Variants in CSMD3 observed in about 807,000 individuals in gnomAD.
CSMD3 encodes CUB and Sushi multiple domains 3, also known as CUB and sushi domain-containing protein 3.
In CSMD3, 177 loss-of-function variants were observed where a neutral mutation model predicts 435.2. The observed-to-expected ratio is 0.41, with a 90% CI of 0.36 to 0.46. The LOEUF (loss-of-function observed/expected upper bound fraction) is 0.46. Ranked by LOEUF, CSMD3 falls within the 20% of genes least tolerant of loss-of-function variation. The pLI, the probability that CSMD3 is intolerant of heterozygous loss-of-function variation, is 0.34. For missense variants in CSMD3, 4,265 were observed against 4,504.6 expected (o/e 0.95, Z 1.52); for synonymous variants, 1,656 against 1,520.5 (o/e 1.09, Z -2.07).
intron 4 of CSMD3, among the ~76,000 whole-genome samples, chr8:113,125,891 A>G (rs1220871797): frequency 2.0e-5 from 3 of 151,972 alleles, no homozygotes; most frequent in African/African-American, 7.2e-5. Context: ...CTAAAGTTAG[A>G]AATGGGAGTG....
At chr8:113,293,137 C>G (rs1340168540) in intron 2 of CSMD3, among the ~76,000 whole-genome samples, 2 of 151,386 alleles carry the variant, frequency 1.3e-5, no homozygotes, top group Non-Finnish European at 2.9e-5. Context: ...TAATATAGTT[C>G]TGAACATTAT....
At chr8:112,779,518 G>A (rs1424810102) in intron 13 of CSMD3, among the ~76,000 whole-genome samples, 2 of 151,880 alleles carry the variant, frequency 1.3e-5, no homozygotes, top group Non-Finnish European at 2.9e-5. Context: ...ATAATTCATG[G>A]GTCAAAATTC....
rs182710230 is a variant in CSMD3 at position 113,342,870 on chromosome 8, A to T, written c.179-28077T>A. Among the ~76,000 whole-genome samples the T allele has an allele frequency of 1.6e-4, 24 of 151,932 alleles. No individual in the cohort carries two copies. In the East Asian group the frequency reaches 1.8e-3, roughly 11 times the overall value. ...TCTGTACATACTGTTATTATATATT[A>T]TTCCCAATGTCCAATGATGAATCAA... On this transcript the variant is annotated intron_variant, in intron 1 of 70. Transcript: ENST00000297405.
intron 3 of CSMD3, among the ~76,000 whole-genome samples, chr8:113,185,688 GA>G (rs1156246371): frequency 2.6e-5 from 4 of 152,056 alleles, no homozygotes; most frequent in African/African-American, 7.2e-5. Context: ...CTGAAGAAAT[GA>G]AAGTCAGATG....
At chr8:112,783,877 T>G (rs898171780) in intron 13 of CSMD3, among the ~76,000 whole-genome samples, 1 of 148,832 alleles carries the variant, frequency 6.7e-6, no homozygotes, top group African/African-American at 2.5e-5. Flanking sequence ...GATAAAGGGG[T>G]CAATCCAGCA....
At chr8:112,433,211 A>C (rs1225798616) in intron 32 of CSMD3, among the ~76,000 whole-genome samples, 1 of 151,368 alleles carries the variant, frequency 6.6e-6, no homozygotes, top group Non-Finnish European at 1.5e-5. Flanking sequence ...AAGACAGAAT[A>C]ACTTAGCATT....
At chr8:113,014,858 T>C (rs1422686581) in intron 6 of CSMD3, among the ~76,000 whole-genome samples, 3 of 152,106 alleles carry the variant, frequency 2.0e-5, no homozygotes, top group Non-Finnish European at 2.9e-5. Flanking sequence ...TAAATAAAGA[T>C]TGAAGAGTCA....
At position 113,099,125 on chromosome 8, in the gene CSMD3, G is replaced by GA. The variant is rs200551850; in HGVS notation, c.710-163dup. Among the ~76,000 whole-genome samples, 1,287 of 151,946 alleles carry GA rather than the reference G, an allele frequency of 8.5e-3. 31 individuals are homozygous for GA. The highest frequency in any genetic ancestry group is 0.029 in the African/African-American group (1,218 of 41,494). The stretch of plus-strand genomic sequence containing the variant: ...AGATTAAATAAAATGAGAATTTTAT[G>GA]AAAAAATGTATCAGCACATATACAA... On this transcript the variant is annotated intron_variant, in intron 4 of 70. Coordinates refer to ENST00000297405, the MANE Select transcript of CSMD3 (RefSeq NM_198123.2).
chr8:112,521,956 G>A (rs1025670088), intron 27 of CSMD3, among the ~76,000 whole-genome samples: 1 of 151,072 alleles, frequency 6.6e-6, no homozygotes, highest in Admixed American at 6.6e-5. Flanking sequence ...CAAAATAGAA[G>A]GTAAAAATCG....
chr8:113,148,957 A>G (rs924737251), intron 4 of CSMD3, among the ~76,000 whole-genome samples: 2 of 151,746 alleles, frequency 1.3e-5, no homozygotes, highest in African/African-American at 4.8e-5. Context: ...ACATATATAC[A>G]TATATATGCA....
chr8:113,064,635 A>G (rs904348286), intron 5 of CSMD3, among the ~76,000 whole-genome samples: 6 of 152,218 alleles, frequency 3.9e-5, no homozygotes, highest in Non-Finnish European at 7.4e-5. Flanking sequence ...AAGGCCACCC[A>G]GTGGTGAGCT....
chr8:112,228,912 TATAA>T, intron 69 of CSMD3, 21 bp from the exon 70 acceptor site: 1 of 1,235,370 alleles, frequency 8.1e-7, no homozygotes, highest in Non-Finnish European at 1.2e-6. Flanking sequence ...AAAAATAAAT[TATAA>T]ATACACAACT....
intron 17 of CSMD3, among the ~76,000 whole-genome samples, chr8:112,660,658 G>A (rs149571007): frequency 1.2e-3 from 188 of 152,080 alleles, no homozygotes; most frequent in Non-Finnish European, 2.1e-3. Context: ...TAAAAGGAGC[G>A]TTTATTTCAG....
chr8:113,000,020 T>C (rs1379544209), intron 6 of CSMD3, among the ~76,000 whole-genome samples: 1 of 151,962 alleles, frequency 6.6e-6, no homozygotes, highest in Non-Finnish European at 1.5e-5. Flanking sequence ...TTGGGAGTCA[T>C]GGGCATAGAG....
At chr8:113,030,548 A>C (rs2087063189) in intron 5 of CSMD3, among the ~76,000 whole-genome samples, 1 of 151,122 alleles carries the variant, frequency 6.6e-6, no homozygotes, top group Admixed American at 6.6e-5. Context: ...CATGGACTTA[A>C]AAGTAAATCT....
chr8:112,829,060 GA>G (rs766550959), intron 12 of CSMD3, among the ~76,000 whole-genome samples: 233 of 150,060 alleles, frequency 1.6e-3, no homozygotes, highest in African/African-American at 5.3e-3. Flanking sequence ...AAAAAAAAAG[GA>G]AAAAAAAATA....
intron 5 of CSMD3, among the ~76,000 whole-genome samples, chr8:113,054,658 C>T (rs1308821990): frequency 6.6e-6 from 1 of 152,160 alleles, no homozygotes; most frequent in Admixed American, 6.5e-5. Context: ...TCTCCCTCAT[C>T]TTTTAAGAAA....
rs2130158017 is a variant in CSMD3 at position 113,436,824 on chromosome 8, C to A, written c.31G>T (p.Ala11Ser). The change falls in exon 1 of 71, where the codon GCA becomes TCA. Residue 11 changes from alanine to serine, a missense_variant. Transcript: ENST00000297405. ...GGCTCCCAGGGTTTGGATTCCTTTG[C>A]TCGGCTTTCCCCTTTGCGGATCCCT... The part of the protein sequence containing the change: MKGIRKGESR[A>S]KESKPWEPGK... 1 of 1,614,190 alleles carries A rather than the reference C, an allele frequency of 6.2e-7. No homozygotes were observed. The highest frequency in any genetic ancestry group is 1.3e-5 in the African/African-American group (1 of 75,042).
chr8:112,856,523 T>G (rs2080663775), intron 11 of CSMD3, among the ~76,000 whole-genome samples: 1 of 151,774 alleles, frequency 6.6e-6, no homozygotes, highest in African/African-American at 2.4e-5. Context: ...TCACTTAAGG[T>G]GAACTTACTT....
Sources: gnomAD v4.1 joint callset for allele counts (sites outside exome capture counted in the v4.1 genomes callset) on GRCh38, gnomAD v4.1.1 for gene constraint, MANE v1.5 for transcripts, NCBI Gene and HGNC (gene_info 2026-07-23, HGNC 2026-07-21) for gene names.